IGSF9B: variants seen among roughly 807,000 people sequenced by gnomAD.
IGSF9B encodes the protein immunoglobulin superfamily member 9B.
A neutral mutation model predicts 143.7 loss-of-function variants in IGSF9B; 48 were observed. That is an observed-to-expected ratio of 0.33 (90% CI 0.26 to 0.42). The LOEUF is 0.42. IGSF9B is among the 20% of genes least tolerant of loss of function. The pLI is 1.00. For missense variants in IGSF9B, 1,706 were observed against 1,980.0 expected (o/e 0.86, Z 2.63); for synonymous variants, 903 against 833.1 (o/e 1.08, Z -1.44).
chr11:133,938,023 C>T, intron 3 of IGSF9B, 62 bp from the exon 4 acceptor site: 3 of 1,550,204 alleles, frequency 1.9e-6, no homozygotes, highest in Non-Finnish European at 1.8e-6. Flanking sequence ...CCTGCAACAA[C>T]AGTACCTGCC....
Position 133,929,881 on chromosome 11 carries a change from T to C in IGSF9B, c.1520-99A>G, listed in dbSNP as rs1053954800. 6 of 758,298 alleles carry C rather than the reference T, an allele frequency of 7.9e-6. No individual in the cohort carries two copies. The African/African-American group carries it at 1.0e-4, about 13-fold the overall frequency. The allele number at this position is 758,298 out of a possible 1,614,324, so 47.0% of individuals were successfully genotyped here. A position where few individuals can be genotyped will look rare whatever the true frequency, so the allele number is the denominator to read the frequency against. ...GGGGAACCTGAGAGGCTGAAGCGCA[T>C]GGCAGCGGAGCACAATACTGCAAGT... On this transcript the variant is annotated intron_variant, in intron 11 of 19. Coordinates refer to ENST00000533871, the MANE Select transcript of IGSF9B (RefSeq NM_001277285.4).
At chr11:133,912,375 C>T (rs1411473067) in intron 18 of IGSF9B, 1 of 471,934 alleles carries the variant, frequency 2.1e-6, no homozygotes, top group African/African-American at 2.0e-5. Flanking sequence ...TAGAAATCAC[C>T]ACAATCAAGA....
At chr11:133,955,955 C>A (rs1373456159) in intron 1 of IGSF9B, among the ~76,000 whole-genome samples, 30 of 151,886 alleles carry the variant, frequency 2.0e-4, no homozygotes, top group Admixed American at 2.0e-3. Flanking sequence ...GGGAGGGCGG[C>A]GTGGGGCCCG....
At chr11:133,944,034 C>T (rs1252903740) in intron 3 of IGSF9B, among the ~76,000 whole-genome samples, 186 bp downstream of exon 3, 2 of 152,204 alleles carry the variant, frequency 1.3e-5, no homozygotes, top group African/African-American at 2.4e-5. Flanking sequence ...GCACAGGCTT[C>T]GAGAAGACAG....
rs1331518853 is a variant in IGSF9B at position 133,928,622 on chromosome 11, C to G, written c.1631+1049G>C. Among the ~76,000 whole-genome samples, 1 of 152,172 alleles carries G rather than the reference C, an allele frequency of 6.6e-6. No homozygotes were observed. Among genetic ancestry groups the G allele is most frequent in the Non-Finnish European group, 1.5e-5 (1 of 68,026 alleles). ...AAGAAGGCACTGAGGGGCTCGCCCT[C>G]CCAGCTCAAGGTTGTCACCCCCGGG... On this transcript the variant is annotated intron_variant, in intron 12 of 19. Coordinates refer to ENST00000533871, the MANE Select transcript of IGSF9B (RefSeq NM_001277285.4). The surrounding 1 kb of genome is among the most constrained non-coding windows in gnomAD (Gnocchi z 4.7).
At chr11:133,947,608 CCT>C (rs1028514247) in intron 1 of IGSF9B, among the ~76,000 whole-genome samples, 1 of 152,190 alleles carries the variant, frequency 6.6e-6, no homozygotes, top group African/African-American at 2.4e-5. Flanking sequence ...ATCTCGGACC[CCT>C]GTGTGCACCT....
chr11:133,921,086 G>A lies in IGSF9B; in HGVS notation c.2639C>T (p.Ala880Val), dbSNP rs1420816204. Residue 880 changes from alanine (A) to valine (V), a missense_variant, in exon 18 of 20, where the codon GCC (alanine) becomes GTC (valine). Around this residue, in one of 7 missense-constraint regions of IGSF9B, gnomAD observed 880 missense variants for 762.9 expected, o/e 1.15. Transcript: ENST00000533871. ...CTCGGGGTACATGTCCGTCTCCTCG[G>A]CGAAGGGGAAGCCCTCGATGCGCCT... is the stretch of plus-strand genomic sequence containing the variant. ...KSRRIEGFPF[A>V]EETDMYPEFR... 2.5e-6 allele frequency: 4 copies of A among 1,613,880 alleles called. No homozygotes were observed. In the Admixed American group the frequency reaches 6.7e-5, roughly 27 times the overall value.
intron 1 of IGSF9B, 85 bp from the exon 2 acceptor site, chr11:133,946,343 A>AT: frequency 8.3e-7 from 1 of 1,202,606 alleles, no homozygotes; most frequent in Non-Finnish European, 1.2e-6. Context: ...TCACAGGGTC[A>AT]CCCCGCCCCC....
At position 133,920,578 on chromosome 11, in the gene IGSF9B, C is replaced by T. The variant is rs1331376257; in HGVS notation, c.3147G>A (p.Gly1049=). ...GGAACATCATCGCTGGGGTCTCCAG[C>T]CCCCCGAAGGGGAATTCTGGCCGGC... The part of the protein sequence containing the change: ...PWGRPEFPFG[G]LETPAMMFPH... The change falls in exon 18 of 20, where the codon GGG becomes GGA. Residue 1049 remains glycine (G), a synonymous_variant. Coordinates refer to ENST00000533871, the MANE Select transcript of IGSF9B (RefSeq NM_001277285.4). 8 of 1,613,074 alleles carry T rather than the reference C, an allele frequency of 5.0e-6. No individual in the cohort carries two copies. Among genetic ancestry groups the T allele is most frequent in the Non-Finnish European group, 6.8e-6 (8 of 1,179,598 alleles).
intron 18 of IGSF9B, chr11:133,912,384 G>C (rs1427680253): frequency 4.3e-6 from 2 of 467,356 alleles, no homozygotes; most frequent in Non-Finnish European, 8.5e-6. Flanking sequence ...CCACAATCAA[G>C]ACCTTTGAAT....
rs1939163591 is a variant in IGSF9B at position 133,902,995 on chromosome 11, A to T, written c.*6074T>A. Among the ~76,000 whole-genome samples the T allele has an allele frequency of 6.6e-6, 1 of 152,126 alleles. No individual in the cohort carries two copies. Among genetic ancestry groups the T allele is most frequent in the South Asian group, 2.1e-4 (1 of 4,818 alleles). ...CAGCATTTCTAAGGCCGAAAATGCAAGTCACCTCCCCAGCCCAACCCCCTG... is the reference window on the plus strand; with the variant it reads ...CAGCATTTCTAAGGCCGAAAATGCATGTCACCTCCCCAGCCCAACCCCCTG... On this transcript the variant is annotated 3_prime_UTR_variant, in exon 20 of 20. Transcript: ENST00000533871.
intron 16 of IGSF9B, 24 bp from the exon 17 acceptor site, chr11:133,922,246 G>A (rs1448029987): frequency 2.5e-6 from 4 of 1,606,960 alleles, no homozygotes; most frequent in Non-Finnish European, 3.4e-6. Flanking sequence ...GAAGGGGAGA[G>A]GCTGCTGAGG....
Position 133,906,128 on chromosome 11 carries a change from C to G in IGSF9B, c.*2941G>C, listed in dbSNP as rs1460181432. Among the ~76,000 whole-genome samples the G allele has an allele frequency of 3.3e-5, 5 of 152,174 alleles. No homozygotes were observed. Among genetic ancestry groups the G allele is most frequent in the Admixed American group, 3.3e-4 (5 of 15,282 alleles). On this transcript the variant is annotated 3_prime_UTR_variant, in exon 20 of 20. Transcript: ENST00000533871. Reference sequence around the variant, plus strand: ...GGCGTGATCTCCTACAGAGTGAGTGCCGAAGTCCTAAGAAGCTGATCAGTA... The same window carrying G: ...GGCGTGATCTCCTACAGAGTGAGTGGCGAAGTCCTAAGAAGCTGATCAGTA...
rs1565436108 is a variant in IGSF9B, at chr11:133,931,735, C to A, written c.1171G>T (p.Ala391Ser). 6.2e-7 allele frequency: 1 copy of A among 1,611,964 alleles called. No individual in the cohort carries two copies. The highest frequency in any genetic ancestry group is 1.7e-5 in the Admixed American group (1 of 59,468). The change falls in exon 9 of 20, where the codon GCT becomes TCT. Residue 391 changes from alanine (A) to serine (S), a missense_variant. Ala to Ser is a moderately conservative substitution (Grantham distance 99, BLOSUM62 1). Coordinates refer to ENST00000533871, the MANE Select transcript of IGSF9B (RefSeq NM_001277285.4). The surrounding 1 kb of genome is among the most constrained non-coding windows in gnomAD (Gnocchi z 7.7). ...SIRIEEATEEALGTYTCVPYN... is the reference protein window; with the variant it reads ...SIRIEEATEESLGTYTCVPYN... ...GGCACACAGGTATAAGTGCCAAGAG[C>A]CTCCTCTGTGGCCTCCTCAATTCGA...
intron 1 of IGSF9B, among the ~76,000 whole-genome samples, chr11:133,951,086 G>T (rs1729893745): frequency 6.6e-6 from 1 of 152,160 alleles, no homozygotes; most frequent in Non-Finnish European, 1.5e-5. Context: ...GCAGACCCGG[G>T]GCTCTCACAA....
Position 133,906,103 on chromosome 11 carries a change from G to A in IGSF9B, c.*2966C>T, listed in dbSNP as rs1264453608. On this transcript the variant is annotated 3_prime_UTR_variant, in exon 20 of 20. Transcript: ENST00000533871. ...AGACCGTAAAAGGGGAAGTTTGGAA[G>A]GCGTGATCTCCTACAGAGTGAGTGC... Among the ~76,000 whole-genome samples the A allele has an allele frequency of 2.0e-5, 3 of 152,218 alleles. No homozygotes were observed. The highest frequency in any genetic ancestry group is 1.5e-5 in the Non-Finnish European group (1 of 68,038).
rs926030135 is a variant in IGSF9B at position 133,899,301 on chromosome 11, C to G, written c.*9768G>C. On this transcript the variant is annotated 3_prime_UTR_variant, in exon 20 of 20. Transcript: ENST00000533871. ...ATGCCACAAGCGGTTCCCAGGCCTC[C>G]TCCTTACTCCACATAAAGCTGATCT... The G allele has an allele frequency of 1.3e-5, 2 of 152,564 alleles. No homozygotes were observed. Among genetic ancestry groups the G allele is most frequent in the Admixed American group, 6.5e-5 (1 of 15,284 alleles). The allele number at this position is 152,564 out of a possible 1,614,324, so 9.5% of individuals were successfully genotyped here. A position where few individuals can be genotyped will look rare whatever the true frequency, so the allele number is the denominator to read the frequency against.
chr11:133,956,633 G>A (rs1046387706), intron 1 of IGSF9B, 58 bp downstream of exon 1: 23 of 1,187,132 alleles, frequency 1.9e-5, no homozygotes, highest in Middle Eastern at 2.0e-4. Context: ...GAGGGGCCGG[G>A]CGCGAGGGGC....
Position 133,920,749 on chromosome 11 carries a change from CA to C in IGSF9B, c.2975del (p.Leu992ArgfsTer36). ...GGGGCGGGGACGACATGACGGAGCTCAGGGGGCTGCCCACTTCTGGCACGTA... is the reference window on the plus strand; with the variant it reads ...GGGGCGGGGACGACATGACGGAGCTCGGGGGCTGCCCACTTCTGGCACGTA... Reference protein sequence around the residue: ...PFYVPEVGSPLSSVMSSPPLP... With the variant: ...PFYVPEVGSPXSSVMSSPPLP... On this transcript the variant is annotated frameshift_variant, in exon 18 of 20. Coordinates refer to ENST00000533871, the MANE Select transcript of IGSF9B (RefSeq NM_001277285.4). LOFTEE classifies it high-confidence loss of function. 1.2e-6 allele frequency: 2 copies of C among 1,612,728 alleles called. No individual in the cohort carries two copies. The highest frequency in any genetic ancestry group is 1.7e-6 in the Non-Finnish European group (2 of 1,179,570).
Sources: gnomAD v4.1 joint callset for allele counts (sites outside exome capture counted in the v4.1 genomes callset) on GRCh38, gnomAD v4.1.1 for gene constraint, gnomAD v4.1.1 regional missense constraint, Gnocchi (gnomAD v3.1) non-coding constraint, MANE v1.5 for transcripts, NCBI Gene and HGNC (gene_info 2026-07-23, HGNC 2026-07-21) for gene names.